The following CHODL variants were observed in gnomAD, a reference collection of about 807,000 sequenced individuals.
The protein encoded by CHODL is chondrolectin, also known as transmembrane protein MT75.
A neutral mutation model predicts 34.5 loss-of-function variants in CHODL; 29 were observed. That is an observed-to-expected ratio of 0.84 (90% confidence interval 0.63 to 1.15). The LOEUF (loss-of-function observed/expected upper bound fraction) is 1.15. Among genes scored for constraint, CHODL ranks in the 50% most tolerant of loss-of-function variants. The pLI is 0.00. For synonymous variants in CHODL, 125 were observed against 116.1 expected, an observed-to-expected ratio of 1.08 and a Z score of -0.49; for missense variants, 332 against 332.5, an observed-to-expected ratio of 1.00 and a Z score of 0.01.
intron 1 of CHODL, among the ~76,000 whole-genome samples, chr21:17,945,400 A>G (rs1373287500): frequency 6.6e-6 from 1 of 152,144 alleles, no homozygotes; most frequent in Non-Finnish European, 1.5e-5. Flanking sequence ...TTGACAAGAA[A>G]ATAGAAACAG....
intron 2 of CHODL, among the ~76,000 whole-genome samples, chr21:18,204,659 C>T (rs554111984): frequency 6.6e-6 from 1 of 152,224 alleles, no homozygotes; most frequent in African/African-American, 2.4e-5. Flanking sequence ...TGATATGAAA[C>T]ATAGCTCATG....
At chr21:18,222,636 C>T (rs923443977) in intron 2 of CHODL, among the ~76,000 whole-genome samples, 10 of 152,200 alleles carry the variant, frequency 6.6e-5, no homozygotes, top group East Asian at 5.8e-4. Context: ...CTCCTGGCTT[C>T]GAGTTGATTT....
At chr21:18,042,628 G>T (rs1568857834) in intron 2 of CHODL, among the ~76,000 whole-genome samples, 1 of 151,842 alleles carries the variant, frequency 6.6e-6, no homozygotes. Context: ...ATATCCAGTG[G>T]TTTAGAAATA....
intron 2 of CHODL, among the ~76,000 whole-genome samples, chr21:18,124,275 A>T (rs2146582269): frequency 6.6e-6 from 1 of 152,274 alleles, no homozygotes; most frequent in Non-Finnish European, 1.5e-5. Flanking sequence ...TAAAGTGGGA[A>T]TCGCTCCCTC....
At chr21:18,226,228 C>T (rs751160456) in intron 2 of CHODL, among the ~76,000 whole-genome samples, 6 of 152,100 alleles carry the variant, frequency 3.9e-5, no homozygotes, top group Non-Finnish European at 7.4e-5. Flanking sequence ...GTATTTCTCC[C>T]AGAGTTCCAA....
At chr21:18,001,337 T>C (rs372260508) in intron 1 of CHODL, among the ~76,000 whole-genome samples, 3 of 152,370 alleles carry the variant, frequency 2.0e-5, no homozygotes, top group Admixed American at 6.5e-5. Context: ...AACAAGTTGA[T>C]AACATGCCAG....
chr21:18,187,335 T>C (rs984557633), intron 2 of CHODL, among the ~76,000 whole-genome samples: 1 of 152,150 alleles, frequency 6.6e-6, no homozygotes, highest in Admixed American at 6.6e-5. Context: ...CTGGACTGTA[T>C]GTCCCATGTC....
At chr21:17,920,764 C>G (rs990788117) in intron 1 of CHODL, among the ~76,000 whole-genome samples, 16 of 152,176 alleles carry the variant, frequency 1.1e-4, no homozygotes, top group African/African-American at 3.6e-4. Flanking sequence ...GTAAATACAT[C>G]TGACTGTATA....
chr21:18,241,852 G>T (rs1467577405), upstream of CHODL, among the ~76,000 whole-genome samples: 1 of 152,140 alleles, frequency 6.6e-6, no homozygotes, highest in Non-Finnish European at 1.5e-5. Context: ...GAGATTCAGC[G>T]ATCGACTTAT....
chr21:18,245,673 C>G (rs550306097), intron 1 of CHODL, among the ~76,000 whole-genome samples: 1 of 152,202 alleles, frequency 6.6e-6, no homozygotes, highest in South Asian at 2.1e-4. Flanking sequence ...AACCCAGAGA[C>G]AGAAGAGCCA....
intron 2 of CHODL, among the ~76,000 whole-genome samples, chr21:18,155,668 A>G (rs1033769220): frequency 1.3e-5 from 2 of 152,166 alleles, no homozygotes; most frequent in Non-Finnish European, 2.9e-5. Flanking sequence ...AAATCATGTT[A>G]TTTATATAAC....
intron 1 of CHODL, among the ~76,000 whole-genome samples, chr21:17,971,515 G>A (rs887952571): frequency 2.0e-5 from 3 of 151,846 alleles, no homozygotes; most frequent in African/African-American, 7.3e-5. Flanking sequence ...TATGTTTGTT[G>A]GCCACATACA....
At chr21:18,187,062 A>T (rs752178400) in intron 2 of CHODL, among the ~76,000 whole-genome samples, 2 of 152,214 alleles carry the variant, frequency 1.3e-5, no homozygotes, top group Admixed American at 6.5e-5. Context: ...ATACAGCAAA[A>T]GTCAGCAAGT....
intron 2 of CHODL, among the ~76,000 whole-genome samples, chr21:18,049,876 C>T (rs950080041): frequency 3.9e-5 from 6 of 151,932 alleles, no homozygotes; most frequent in Non-Finnish European, 4.4e-5. Flanking sequence ...AAACGTAATT[C>T]AGCACATAAC....
chr21:18,207,659 C>CA (rs2073727015), intron 2 of CHODL, among the ~76,000 whole-genome samples: 1 of 55,952 alleles, frequency 1.8e-5, no homozygotes, highest in Non-Finnish European at 3.0e-5. Flanking sequence ...AATCTCTCAG[C>CA]TTTTTTTTTT....
At chr21:18,239,692 C>A (rs907603485) in intron 2 of CHODL, among the ~76,000 whole-genome samples, 10 of 151,972 alleles carry the variant, frequency 6.6e-5, no homozygotes, top group Middle Eastern at 3.4e-3. Context: ...ATCAAAAATT[C>A]ATTTACAGTT....
At chr21:18,022,204 T>C (rs1041680040) in intron 1 of CHODL, among the ~76,000 whole-genome samples, 9 of 152,214 alleles carry the variant, frequency 5.9e-5, no homozygotes, top group African/African-American at 2.2e-4. Context: ...AGCTGGGTTG[T>C]GCTTTCTTCA....
At chr21:18,203,632 T>C (rs1488263737) in intron 2 of CHODL, among the ~76,000 whole-genome samples, 1 of 152,188 alleles carries the variant, frequency 6.6e-6, no homozygotes, top group African/African-American at 2.4e-5. Flanking sequence ...ATTTTTTTAC[T>C]ACTTTCTCTC....
intron 1 of CHODL, among the ~76,000 whole-genome samples, chr21:17,976,924 A>G (rs2063667744): frequency 6.6e-6 from 1 of 152,186 alleles, no homozygotes; most frequent in African/African-American, 2.4e-5. Flanking sequence ...TGCTTTCCAG[A>G]CAGATTTAAA....
Sources: allele counts gnomAD v4.1 joint callset (sites outside exome capture counted in the v4.1 genomes callset), GRCh38; gene constraint gnomAD v4.1.1; transcripts MANE v1.5; gene names NCBI Gene and HGNC (gene_info 2026-07-23, HGNC 2026-07-21).